PSD3: variants seen among roughly 807,000 people sequenced by gnomAD.
PSD3 encodes pleckstrin and Sec7 domain containing 3, also known as PH and SEC7 domain-containing protein 3.
A neutral mutation model predicts 105.5 loss-of-function variants in PSD3; 49 were observed. That is an observed-to-expected ratio of 0.46 (90% CI 0.37 to 0.59). PSD3 has a LOEUF of 0.59. PSD3 is among the 20% of genes least tolerant of loss of function. The probability of loss-of-function intolerance (pLI) is 0.00; values close to 1 mark genes in which losing one functional copy is unlikely to be tolerated. For synonymous variants in PSD3, 557 were observed against 457.8 expected, an observed-to-expected ratio of 1.22 and a Z score of -2.77; for missense variants, 1,561 against 1,263.8, an observed-to-expected ratio of 1.24 and a Z score of -3.57.
rs189285117 is a variant in PSD3, at chr8:18,784,481, A to G, written c.2082+14814T>C. On this transcript the variant is annotated intron_variant, in intron 8 of 15. Coordinates refer to ENST00000327040, the MANE Select transcript of PSD3 (RefSeq NM_015310.4). ...ATAATACTATGTATCTGCTGATTTC[A>G]TGAGCTCATACAGGTTAAGGGCTCA... Among the ~76,000 whole-genome samples, 3 of 152,282 alleles carry G rather than the reference A, an allele frequency of 2.0e-5. No individual in the cohort carries two copies. In the East Asian group the frequency reaches 5.8e-4, roughly 29 times the overall value.
At chr8:18,920,701 C>T (rs540004047) in intron 2 of PSD3, among the ~76,000 whole-genome samples, 2 of 152,112 alleles carry the variant, frequency 1.3e-5, no homozygotes, top group Non-Finnish European at 1.5e-5. Context: ...ACAGGACATT[C>T]GAGGCCATAC....
At chr8:18,924,224 C>T (rs1387218913) in intron 2 of PSD3, among the ~76,000 whole-genome samples, 1 of 152,154 alleles carries the variant, frequency 6.6e-6, no homozygotes, top group African/African-American at 2.4e-5. Context: ...CAAGCCAAAA[C>T]AGACCATTGG....
At chr8:18,977,496 C>A (rs983056709) in intron 1 of PSD3, among the ~76,000 whole-genome samples, 20 of 152,086 alleles carry the variant, frequency 1.3e-4, no homozygotes, top group African/African-American at 4.8e-4. Flanking sequence ...TATTACTAAT[C>A]ATTTTAACAT....
At position 18,867,795 on chromosome 8, in the gene PSD3, G is replaced by C. The variant is rs533735714; in HGVS notation, c.1513C>G (p.Leu505Val). Residue 505 changes from leucine to valine, a missense_variant, in exon 4 of 16, where the codon CTG (leucine) becomes GTG (valine). Physicochemically the swap from Leu to Val is conservative, Grantham distance 32. Transcript: ENST00000327040. Reference protein sequence around the residue: ...RTSGGGHQDILSVSADGGIVM... With the variant: ...RTSGGGHQDIVSVSADGGIVM... ...ATGCCACCATCTGCAGACACACTCA[G>C]GATATCCTGATGTCCTCCCCCTGAT... 1 of 1,614,110 alleles carries C rather than the reference G, an allele frequency of 6.2e-7. No homozygotes were observed. The highest frequency in any genetic ancestry group is 8.5e-7 in the Non-Finnish European group (1 of 1,180,010).
In PSD3 at chr8:18,694,535, G is replaced by A. The variant is rs570435015; in HGVS notation, c.2173-38850C>T. 1.9e-3 allele frequency among the ~76,000 whole-genome samples: 283 copies of A among 151,904 alleles called. 1 individual carries two copies. Among genetic ancestry groups the A allele is most frequent in the Middle Eastern group, 6.8e-3 (2 of 292 alleles). On this transcript the variant is annotated intron_variant, in intron 9 of 15. Transcript: ENST00000327040. ...TGAGGCAGGAGAATGGCGTGAACCC[G>A]GGAGGCAGAGCTTGCAGTGAGCCGA... is the stretch of plus-strand genomic sequence containing the variant.
At chr8:18,658,775 G>A (rs1460897411) in intron 9 of PSD3, among the ~76,000 whole-genome samples, 3 of 151,456 alleles carry the variant, frequency 2.0e-5, no homozygotes, top group Admixed American at 6.6e-5. Context: ...CTACCTTAAG[G>A]GTAAGGAGGC....
At chr8:18,596,460 T>A (rs2130547259) in intron 12 of PSD3, among the ~76,000 whole-genome samples, 1 of 150,570 alleles carries the variant, frequency 6.6e-6, no homozygotes, top group African/African-American at 2.4e-5. Context: ...AGAGCAGAAA[T>A]AAATGAAATA....
At chr8:18,899,484 G>A (rs1027619196) in intron 2 of PSD3, among the ~76,000 whole-genome samples, 2 of 151,978 alleles carry the variant, frequency 1.3e-5, no homozygotes, top group Admixed American at 1.3e-4. Context: ...GTTCTGTCAG[G>A]GTTCTCTTCC....
intron 4 of PSD3, among the ~76,000 whole-genome samples, chr8:18,834,967 T>A (rs551333432): frequency 6.6e-6 from 1 of 152,096 alleles, no homozygotes; most frequent in Non-Finnish European, 1.5e-5. Flanking sequence ...GAATTAGACA[T>A]GTGGAAATAA....
rs1236634308 is a variant in PSD3, at chr8:18,916,330, A to AC, written c.130+19703_130+19704insG. ...TATATATATATATATATATATATATATATATATATATATATATATACACAC... is the reference window on the plus strand; with the variant it reads ...TATATATATATATATATATATATATACTATATATATATATATATATACACAC... On this transcript the variant is annotated intron_variant, in intron 2 of 15. Transcript: ENST00000327040. 2.1e-3 allele frequency among the ~76,000 whole-genome samples: 143 copies of AC among 67,240 alleles called. 3 individuals are homozygous for AC. The highest frequency in any genetic ancestry group is 3.2e-3 in the Non-Finnish European group (111 of 34,648). The allele number at this position is 67,240 out of a possible 152,430, so 44.1% of individuals were successfully genotyped here.
chr8:18,613,226 A>C (rs1432192753), intron 11 of PSD3, among the ~76,000 whole-genome samples: 1 of 151,914 alleles, frequency 6.6e-6, no homozygotes, highest in Admixed American at 6.6e-5. Context: ...GGGATGAAAA[A>C]CCAGACTGCC....
intron 12 of PSD3, among the ~76,000 whole-genome samples, chr8:18,589,921 C>G (rs1271967398): frequency 6.6e-6 from 1 of 151,888 alleles, no homozygotes; most frequent in Non-Finnish European, 1.5e-5. Context: ...TCCGTTCTTA[C>G]TTAAACATCT....
Position 18,600,349 on chromosome 8 carries a change from CT to C in PSD3, c.2481+14del. 2.5e-6 allele frequency: 4 copies of C among 1,601,586 alleles called. No homozygotes were observed. Among genetic ancestry groups the C allele is most frequent in the Middle Eastern group, 1.7e-4 (1 of 6,002 alleles). On this transcript the variant is annotated intron_variant, in intron 12 of 15. Transcript: ENST00000327040. ...TCATCGAGTTTTGTGGATTTTTTAT[CT>C]GCTTTACTTTTACCTTTTGCAAGTA...
intron 4 of PSD3, among the ~76,000 whole-genome samples, chr8:18,863,835 A>G (rs1563358120): frequency 6.6e-6 from 1 of 152,198 alleles, no homozygotes; most frequent in Non-Finnish European, 1.5e-5. Context: ...ACTTGAGTAG[A>G]GAGAGTAACA....
intron 9 of PSD3, among the ~76,000 whole-genome samples, chr8:18,665,999 T>C (rs1799428885): frequency 6.6e-6 from 1 of 152,208 alleles, no homozygotes; most frequent in Non-Finnish European, 1.5e-5. Flanking sequence ...AGCAAAACGA[T>C]GACAACTTGC....
At chr8:18,844,160 C>T (rs533215806) in intron 4 of PSD3, among the ~76,000 whole-genome samples, 2 of 152,030 alleles carry the variant, frequency 1.3e-5, no homozygotes, top group Non-Finnish European at 1.5e-5. Context: ...CTATAATTAT[C>T]TAAGAGCTGT....
intron 12 of PSD3, among the ~76,000 whole-genome samples, chr8:18,596,576 C>T (rs1316293898): frequency 6.6e-6 from 1 of 151,344 alleles, no homozygotes; most frequent in Non-Finnish European, 1.5e-5. Flanking sequence ...AATTGACAAT[C>T]CTTTAGCTGG....
chr8:18,613,878 A>G (rs968502612), intron 11 of PSD3, among the ~76,000 whole-genome samples: 2 of 152,196 alleles, frequency 1.3e-5, no homozygotes, highest in Admixed American at 1.3e-4. Flanking sequence ...TGCAACTCCT[A>G]AACAGCAACA....
intron 2 of PSD3, among the ~76,000 whole-genome samples, chr8:18,876,300 G>A (rs949811752): frequency 1.3e-5 from 2 of 152,166 alleles, no homozygotes; most frequent in Admixed American, 6.5e-5. Context: ...CCATTCATCA[G>A]TTGATGAGAT....
Sources: gnomAD v4.1 joint callset for allele counts (sites outside exome capture counted in the v4.1 genomes callset) on GRCh38, gnomAD v4.1.1 for gene constraint, MANE v1.5 for transcripts, NCBI Gene and HGNC (gene_info 2026-07-23, HGNC 2026-07-21) for gene names.